Variants in MAPK10 observed in about 807,000 individuals in gnomAD.
MAPK10 encodes JNK3 alpha protein kinase.
Under a neutral mutation model 59.3 loss-of-function variants are expected in MAPK10, and 25 were observed. The ratio of observed to expected loss-of-function variants is 0.42; its 90% CI spans 0.31 to 0.59. MAPK10 has a LOEUF of 0.59. Among genes scored for constraint, MAPK10 ranks in the 20% least tolerant of loss-of-function variants. The probability of loss-of-function intolerance (pLI) is 0.15; values close to 1 mark genes in which losing one functional copy is unlikely to be tolerated. For synonymous variants in MAPK10, 190 were observed against 200.5 expected (o/e 0.95, Z 0.44); for missense variants, 351 against 568.9 (o/e 0.62, Z 3.90).
intron 1 of MAPK10, among the ~76,000 whole-genome samples, chr4:86,490,905 A>G (rs1179004453): frequency 1.3e-5 from 2 of 152,260 alleles, no homozygotes; most frequent in African/African-American, 4.8e-5. Flanking sequence ...CCTAAACCTT[A>G]CATACTACTA....
At chr4:86,089,718 A>C (rs760833796) in intron 9 of MAPK10, among the ~76,000 whole-genome samples, 17 of 91,488 alleles carry the variant, frequency 1.9e-4, no homozygotes, top group Non-Finnish European at 3.1e-4. Context: ...AGCAACCTCA[A>C]AAGAGTTTCT....
chr4:86,461,797 C>G (rs557940180), intron 1 of MAPK10, among the ~76,000 whole-genome samples: 8 of 152,270 alleles, frequency 5.3e-5, no homozygotes, highest in East Asian at 3.9e-4. Flanking sequence ...CTGGAGGACA[C>G]TGGGCAAAAA....
intron 9 of MAPK10, among the ~76,000 whole-genome samples, chr4:86,094,668 G>T (rs2053896143): frequency 6.6e-6 from 1 of 151,838 alleles, no homozygotes; most frequent in Non-Finnish European, 1.5e-5. Context: ...TGTCCTGGTT[G>T]GGGTTTGGGG....
intron 1 of MAPK10, among the ~76,000 whole-genome samples, chr4:86,461,047 G>A (rs772848278): frequency 4.6e-5 from 7 of 152,042 alleles, no homozygotes; most frequent in East Asian, 1.9e-4. Flanking sequence ...ATGCCCATAC[G>A]TGGGGCTCAA....
At chr4:86,515,606 A>T (rs575328360) in intron 1 of MAPK10, among the ~76,000 whole-genome samples, 1 of 152,068 alleles carries the variant, frequency 6.6e-6, no homozygotes. Flanking sequence ...GCATTTTTTC[A>T]TATGTTTGTT....
chr4:86,302,316 T>C (rs998595222), intron 2 of MAPK10, among the ~76,000 whole-genome samples: 10 of 152,232 alleles, frequency 6.6e-5, no homozygotes, highest in Non-Finnish European at 1.3e-4. Flanking sequence ...GTTTTCTACG[T>C]ATGATTCACA....
chr4:86,207,364 C>T (rs929231449), intron 2 of MAPK10, among the ~76,000 whole-genome samples: 5 of 151,786 alleles, frequency 3.3e-5, no homozygotes, highest in South Asian at 2.1e-4. Context: ...TGTAGATAGG[C>T]GGTGTTATTT....
At chr4:86,550,407 A>C (rs914813953) in intron 1 of MAPK10, among the ~76,000 whole-genome samples, 4 of 132,730 alleles carry the variant, frequency 3.0e-5, no homozygotes, top group East Asian at 2.2e-4. Flanking sequence ...AAAAAAAAAA[A>C]AAAACTCCAG....
chr4:86,367,890 G>A (rs1427058431), intron 1 of MAPK10, among the ~76,000 whole-genome samples: 1 of 152,080 alleles, frequency 6.6e-6, no homozygotes, highest in Non-Finnish European at 1.5e-5. Context: ...TCTGCTTCAA[G>A]ATGGCATTAC....
chr4:86,329,547 G>A (rs773414317), intron 2 of MAPK10, among the ~76,000 whole-genome samples: 1 of 152,160 alleles, frequency 6.6e-6, no homozygotes, highest in Non-Finnish European at 1.5e-5. Context: ...TTATGGGCAA[G>A]GGCAAGGTCT....
intron 4 of MAPK10, among the ~76,000 whole-genome samples, chr4:86,111,218 T>C (rs1477004036): frequency 6.6e-6 from 1 of 152,204 alleles, no homozygotes; most frequent in East Asian, 1.9e-4. Flanking sequence ...ATCCTCTATA[T>C]TTCTTTCTCT....
chr4:86,427,976 C>T (rs1284611735), intron 1 of MAPK10, among the ~76,000 whole-genome samples: 1 of 152,122 alleles, frequency 6.6e-6, no homozygotes, highest in Non-Finnish European at 1.5e-5. Context: ...CAATAAAAAT[C>T]TAGCTGGCTT....
chr4:86,094,627 A>G (rs575119853), intron 9 of MAPK10, among the ~76,000 whole-genome samples: 1 of 151,990 alleles, frequency 6.6e-6, no homozygotes, highest in Non-Finnish European at 1.5e-5. Flanking sequence ...TACTGGGACT[A>G]TAGGAGTCTT....
chr4:86,243,492 C>T (rs1344686781), intron 2 of MAPK10, among the ~76,000 whole-genome samples: 1 of 152,112 alleles, frequency 6.6e-6, no homozygotes, highest in African/African-American at 2.4e-5. Flanking sequence ...AATCTAGCGA[C>T]CTCTCAGAAC....
intron 1 of MAPK10, among the ~76,000 whole-genome samples, chr4:86,469,466 A>G (rs1564915207): frequency 1.3e-5 from 2 of 152,168 alleles, no homozygotes; most frequent in African/African-American, 4.8e-5. Flanking sequence ...AGGAAACCAG[A>G]CAGCTCCTGG....
intron 10 of MAPK10, chr4:86,065,490 T>C (rs567477307): frequency 3.3e-4 from 51 of 152,334 alleles, no homozygotes; most frequent in African/African-American, 1.2e-3. Flanking sequence ...ATTTATTTAG[T>C]AAGATTGTTA....
intron 2 of MAPK10, among the ~76,000 whole-genome samples, chr4:86,312,415 T>C (rs1348371888): frequency 6.6e-6 from 1 of 152,090 alleles, no homozygotes; most frequent in Non-Finnish European, 1.5e-5. Context: ...CAAGTGCTCC[T>C]TACTCACCGT....
chr4:86,511,688 GGAA>G (rs796378908), intron 1 of MAPK10, among the ~76,000 whole-genome samples: 24 of 147,948 alleles, frequency 1.6e-4, no homozygotes, highest in African/African-American at 4.8e-4. Context: ...AAGAAGAACA[GGAA>G]GAAGAAGAAG....
chr4:86,396,767 A>C (rs1743001307), intron 1 of MAPK10, among the ~76,000 whole-genome samples: 1 of 152,138 alleles, frequency 6.6e-6, no homozygotes, highest in South Asian at 2.1e-4. Flanking sequence ...ATTTTAAACA[A>C]CACACTATTG....
Sources: gnomAD v4.1 joint callset for allele counts (sites outside exome capture counted in the v4.1 genomes callset) on GRCh38, gnomAD v4.1.1 for gene constraint, MANE v1.5 for transcripts, NCBI Gene and HGNC (gene_info 2026-07-23, HGNC 2026-07-21) for gene names.